Variants in RARB observed in about 807,000 individuals in gnomAD.
RARB encodes the protein retinoic acid receptor beta, also known as HBV-activated protein.
RARB carries 17 observed loss-of-function variants against 51.9 expected under a neutral mutation model. That is an observed-to-expected ratio of 0.33 (90% confidence interval 0.22 to 0.49). RARB has a LOEUF of 0.49. Among genes scored for constraint, RARB ranks in the 20% least tolerant of loss-of-function variants. RARB has a pLI of 0.99. For synonymous variants in RARB, 215 were observed against 195.4 expected (o/e 1.10, Z -0.84); for missense variants, 369 against 550.8 (o/e 0.67, Z 3.30).
intron 2 of RARB, among the ~76,000 whole-genome samples, chr3:25,006,352 A>G (rs1489017157): frequency 1.3e-5 from 2 of 152,204 alleles, no homozygotes; most frequent in African/African-American, 4.8e-5. Flanking sequence ...AAATTGCAAT[A>G]TGATTCATCT....
chr3:25,503,021 G>C (rs1045144687), intron 3 of RARB, among the ~76,000 whole-genome samples: 3 of 152,220 alleles, frequency 2.0e-5, no homozygotes, highest in African/African-American at 7.2e-5. Context: ...TGGGTCATCA[G>C]ACAGGAAAGC....
chr3:25,187,371 C>A (rs1033306888), intron 5 of RARB, among the ~76,000 whole-genome samples: 1 of 151,592 alleles, frequency 6.6e-6, no homozygotes, highest in Non-Finnish European at 1.5e-5. Flanking sequence ...GTGGGACAGG[C>A]AAGTGGGTAG....
intron 5 of RARB, among the ~76,000 whole-genome samples, chr3:25,311,614 AG>A (rs2125433924): frequency 6.6e-6 from 1 of 152,344 alleles, no homozygotes; most frequent in South Asian, 2.1e-4. Context: ...GGGGCAGCTG[AG>A]GGCTTCCTCA....
intron 5 of RARB, among the ~76,000 whole-genome samples, chr3:25,345,755 G>A (rs1705373365): frequency 1.3e-5 from 2 of 151,722 alleles, no homozygotes; most frequent in African/African-American, 4.9e-5. Flanking sequence ...CGTTAATCCT[G>A]TAAAGCTGAA....
At chr3:25,554,551 G>C (rs1016891889) in intron 3 of RARB, among the ~76,000 whole-genome samples, 1 of 152,066 alleles carries the variant, frequency 6.6e-6, no homozygotes, top group Non-Finnish European at 1.5e-5. Flanking sequence ...TTTCTATCTG[G>C]CCTATTAGGA....
intron 3 of RARB, among the ~76,000 whole-genome samples, chr3:25,130,878 ATATT>A (rs1287640505): frequency 1.6e-5 from 2 of 126,300 alleles, no homozygotes; most frequent in African/African-American, 3.2e-5. Flanking sequence ...CATATTATCA[ATATT>A]TATTATTGAT....
intron 3 of RARB, among the ~76,000 whole-genome samples, chr3:25,068,103 C>G (rs1698698297): frequency 7.9e-6 from 1 of 126,978 alleles, no homozygotes; most frequent in African/African-American, 3.0e-5. Context: ...CATCGCACTT[C>G]AGCCTGGGCG....
chr3:25,231,526 A>C (rs1240834272), intron 5 of RARB, among the ~76,000 whole-genome samples: 1 of 152,178 alleles, frequency 6.6e-6, no homozygotes, highest in Non-Finnish European at 1.5e-5. Flanking sequence ...CTCCTCTAAG[A>C]AGTTAAGCTA....
At chr3:25,558,418 G>T (rs1009979736) in intron 3 of RARB, among the ~76,000 whole-genome samples, 8 of 152,070 alleles carry the variant, frequency 5.3e-5, no homozygotes, top group Non-Finnish European at 1.2e-4. Flanking sequence ...TTCTCCATTG[G>T]TTTCTGCGGT....
intron 5 of RARB, among the ~76,000 whole-genome samples, chr3:25,382,411 A>AC (rs142139973): frequency 0.8 from 121,353 of 151,764 alleles, 49,153 homozygotes; most frequent in East Asian, 0.99. Context: ...TGGTGGGAGA[A>AC]TTTCCCCTGC....
rs1701871225 is a variant in RARB at position 25,597,179 on chromosome 3, T to C, written c.*563T>C. 6.5e-6 allele frequency: 1 copy of C among 152,672 alleles called. No homozygotes were observed. The highest frequency in any genetic ancestry group is 2.1e-4 in the South Asian group (1 of 4,830). 9.5% of individuals were successfully genotyped at this position (152,672 alleles called of 1,614,324 possible). A position where few individuals can be genotyped will look rare whatever the true frequency, so the allele number is the denominator to read the frequency against. On this transcript the variant is annotated 3_prime_UTR_variant, in exon 8 of 8. Coordinates refer to ENST00000330688, the MANE Select transcript of RARB (RefSeq NM_000965.5). The stretch of plus-strand genomic sequence containing the variant: ...CAGTATGACAAGATAAGGCTGAAGA[T>C]ATTCTACTTTAGTTAGTATGGAAGC...
chr3:25,301,876 A>G (rs1292942039), intron 5 of RARB, among the ~76,000 whole-genome samples: 2 of 152,202 alleles, frequency 1.3e-5, no homozygotes, highest in Non-Finnish European at 2.9e-5. Context: ...CTAGAGACAC[A>G]CCAGTAGCCC....
chr3:25,154,522 C>T (rs1426758274), intron 4 of RARB, among the ~76,000 whole-genome samples: 1 of 152,200 alleles, frequency 6.6e-6, no homozygotes, highest in Non-Finnish European at 1.5e-5. Context: ...AGCCTCAAAG[C>T]TTTGCTACCA....
intron 2 of RARB, among the ~76,000 whole-genome samples, chr3:24,963,705 G>A (rs1369211873): frequency 6.6e-6 from 1 of 151,890 alleles, no homozygotes; most frequent in Non-Finnish European, 1.5e-5. Context: ...TGTGGGCCGA[G>A]CATCTCTGCC....
At position 25,182,905 on chromosome 3, in the gene RARB, C is replaced by T. The variant is rs187102988; in HGVS notation, c.178+8330C>T. Among the ~76,000 whole-genome samples the T allele has an allele frequency of 3.8e-3, 575 of 152,168 alleles. 2 individuals carry two copies. Among genetic ancestry groups the T allele is most frequent in the African/African-American group, 0.013 (560 of 41,512 alleles). ...AAATTTAAACACAGAGATAGAGACA[C>T]ATGTGAAGATTGGAGCTAGCTGCCA... On this transcript the variant is annotated intron_variant, in intron 5 of 11. Transcript: ENST00000383772.
At chr3:24,959,875 G>A (rs553207151) in intron 2 of RARB, among the ~76,000 whole-genome samples, 1 of 152,328 alleles carries the variant, frequency 6.6e-6, no homozygotes, top group South Asian at 2.1e-4. Context: ...AAGAACCCTA[G>A]AAAATTGACA....
At chr3:25,273,777 A>G (rs767757406) in intron 5 of RARB, among the ~76,000 whole-genome samples, 1 of 152,254 alleles carries the variant, frequency 6.6e-6, no homozygotes, top group Non-Finnish European at 1.5e-5. Context: ...CCACTGTGAC[A>G]GATATTTCAC....
At chr3:25,573,974 C>G (rs1290459558) in intron 4 of RARB, among the ~76,000 whole-genome samples, 1 of 152,190 alleles carries the variant, frequency 6.6e-6, no homozygotes, top group Non-Finnish European at 1.5e-5. Flanking sequence ...AGGGCACTCA[C>G]CCACAATCTT....
Position 24,862,152 on chromosome 3 carries a change from A to G in RARB, c.-380+3400A>G, listed in dbSNP as rs1702759709. ...CACGGTATGGCTGGAAATAGGAAAA[A>G]TGAAGGAAAGAACTGCTGCTGCTGA... On this transcript the variant is annotated intron_variant, in intron 2 of 11. Transcript: ENST00000383772. Among the ~76,000 whole-genome samples, 4 of 152,312 alleles carry G rather than the reference A, an allele frequency of 2.6e-5. No homozygotes were observed. The South Asian group carries it at 8.3e-4, about 32-fold the overall frequency.
Sources: allele counts gnomAD v4.1 joint callset (sites outside exome capture counted in the v4.1 genomes callset), GRCh38; gene constraint gnomAD v4.1.1; transcripts MANE v1.5; gene names NCBI Gene and HGNC (gene_info 2026-07-23, HGNC 2026-07-21).